The following TM9SF3 variants were observed in gnomAD, a reference collection of about 807,000 sequenced individuals.
TM9SF3 encodes transmembrane 9 superfamily member 3.
Under a neutral mutation model 78.6 loss-of-function variants are expected in TM9SF3, and 14 were observed. That is an observed-to-expected ratio of 0.18 (90% CI 0.12 to 0.28). TM9SF3 has a LOEUF of 0.28. Ranked by LOEUF, TM9SF3 falls within the 10% of genes least tolerant of loss-of-function variation. The pLI, the probability that TM9SF3 is intolerant of heterozygous loss-of-function variation, is 1.00. For synonymous variants in TM9SF3, 231 were observed against 241.7 expected (o/e 0.96, Z 0.41); for missense variants, 496 against 721.9 (o/e 0.69, Z 3.59).
rs751439116 is a variant in TM9SF3 at position 96,586,765 on chromosome 10, G to GGCAGCAGCA, written c.62_70dup (p.Leu21_Leu23dup). On this transcript the variant is annotated inframe_insertion, in exon 1 of 15. Coordinates refer to ENST00000371142, the MANE Select transcript of TM9SF3 (RefSeq NM_020123.4). ...TTCGTGCTCGTCCGCCCGGGTCCGG[G>GGCAGCAGCA]GCAGCAGCAGCAGCAGCAGCCACAG... is the stretch of plus-strand genomic sequence containing the variant. 28 of 1,286,670 alleles carry GGCAGCAGCA rather than the reference G, an allele frequency of 2.2e-5. No individual in the cohort carries two copies. Among genetic ancestry groups the GGCAGCAGCA allele is most frequent in the South Asian group, 7.5e-5 (3 of 39,874 alleles). The allele number at this position is 1,286,670 out of a possible 1,614,324, so 79.7% of individuals were successfully genotyped here.
intron 9 of TM9SF3, among the ~76,000 whole-genome samples, chr10:96,536,308 C>A (rs1847959039): frequency 6.6e-6 from 1 of 152,032 alleles, no homozygotes; most frequent in Non-Finnish European, 1.5e-5. Flanking sequence ...AGGTTTTAGC[C>A]AGTGCAATCA....
At chr10:96,530,457 GAT>G in intron 11 of TM9SF3, 81 bp downstream of exon 11, 1 of 1,131,192 alleles carries the variant, frequency 8.8e-7, no homozygotes, top group Non-Finnish European at 1.3e-6. Flanking sequence ...TCTCCCAACT[GAT>G]AACTTTACAT....
chr10:96,562,201 C>A, intron 3 of TM9SF3, 63 bp from the exon 4 acceptor site: 1 of 1,220,340 alleles, frequency 8.2e-7, no homozygotes, highest in Non-Finnish European at 1.1e-6. Context: ...ATCCTACAAG[C>A]TAAATGCTCA....
At chr10:96,532,713 G>C (rs1304765780) in intron 10 of TM9SF3, among the ~76,000 whole-genome samples, 2 of 152,094 alleles carry the variant, frequency 1.3e-5, no homozygotes, top group African/African-American at 2.4e-5. Flanking sequence ...GCATGGCTGA[G>C]TTCCAACAAA....
At chr10:96,572,113 A>C (rs1487963247) in intron 2 of TM9SF3, among the ~76,000 whole-genome samples, 1 of 152,192 alleles carries the variant, frequency 6.6e-6, no homozygotes, top group African/African-American at 2.4e-5. Context: ...CAATAAACTA[A>C]CATTTCATAA....
In TM9SF3 at chr10:96,586,950, G is replaced by T; in HGVS notation, c.-115C>A. ...TCGCATCCACGGGGCGCGGACAGAC[G>T]CACGGGGCCCGGCCCAGCCGCTGCC... On this transcript the variant is annotated 5_prime_UTR_variant, in exon 1 of 15. Coordinates refer to ENST00000371142, the MANE Select transcript of TM9SF3 (RefSeq NM_020123.4). The T allele has an allele frequency of 1.2e-6, 1 of 846,284 alleles. No homozygotes were observed. Among genetic ancestry groups the T allele is most frequent in the Non-Finnish European group, 1.5e-6 (1 of 667,050 alleles). 52.4% of individuals were successfully genotyped at this position (846,284 alleles called of 1,614,324 possible).
At chr10:96,552,785 T>C in intron 6 of TM9SF3, 143 bp downstream of exon 6, 1 of 733,756 alleles carries the variant, frequency 1.4e-6, no homozygotes, top group Non-Finnish European at 1.9e-6. Flanking sequence ...ACACTGGGCA[T>C]TTTACATCTT....
intron 1 of TM9SF3, among the ~76,000 whole-genome samples, chr10:96,581,607 C>G (rs1848570590): frequency 6.6e-6 from 1 of 152,104 alleles, no homozygotes; most frequent in South Asian, 2.1e-4. Flanking sequence ...GAAAATAGGA[C>G]AACGAATTAC....
chr10:96,547,042 A>G (rs1490954234), intron 8 of TM9SF3, among the ~76,000 whole-genome samples: 1 of 152,250 alleles, frequency 6.6e-6, no homozygotes, highest in Non-Finnish European at 1.5e-5. Flanking sequence ...TCCTTGTATT[A>G]TCGTGTTATT....
intron 8 of TM9SF3, among the ~76,000 whole-genome samples, chr10:96,544,613 T>C (rs1005814661): frequency 2.0e-5 from 3 of 152,182 alleles, no homozygotes; most frequent in Non-Finnish European, 2.9e-5. Context: ...ATGAAGTCAC[T>C]GGTGAAGAAA....
intron 9 of TM9SF3, among the ~76,000 whole-genome samples, chr10:96,535,077 T>A (rs756363867): frequency 3.7e-4 from 57 of 152,160 alleles, no homozygotes; most frequent in Non-Finnish European, 7.2e-4. Context: ...GCAGCTGAAG[T>A]GAGGGCACAT....
chr10:96,526,493 A>G (rs1847839655), intron 14 of TM9SF3, among the ~76,000 whole-genome samples: 1 of 152,114 alleles, frequency 6.6e-6, no homozygotes, highest in Non-Finnish European at 1.5e-5. Flanking sequence ...ACTGTTTCCA[A>G]AAGTTCTTTA....
chr10:96,526,096 A>T (rs1047016951), intron 14 of TM9SF3, among the ~76,000 whole-genome samples: 2 of 152,138 alleles, frequency 1.3e-5, no homozygotes, highest in Non-Finnish European at 2.9e-5. Flanking sequence ...TCCTCTTTAT[A>T]GCCCTATGAG....
Position 96,586,898 on chromosome 10 carries a change from G to T in TM9SF3, c.-63C>A, listed in dbSNP as rs1006646169. 2.7e-3 allele frequency: 2,988 copies of T among 1,093,934 alleles called. 6 individuals are homozygous for T. The highest frequency in any genetic ancestry group is 3.2e-3 in the Non-Finnish European group (2,854 of 884,532). 67.8% of individuals were successfully genotyped at this position (1,093,934 alleles called of 1,614,324 possible). ...TCCTCCTCCCGCCGCCGCCTCCTCC[G>T]CCGCCGCCGCCTCCGCCGCGGCCGA... On this transcript the variant is annotated 5_prime_UTR_variant, in exon 1 of 15. Coordinates refer to ENST00000371142, the MANE Select transcript of TM9SF3 (RefSeq NM_020123.4).
chr10:96,529,760 T>C (rs777336719), intron 11 of TM9SF3, among the ~76,000 whole-genome samples: 3 of 151,950 alleles, frequency 2.0e-5, no homozygotes, highest in Non-Finnish European at 4.4e-5. Flanking sequence ...AACTACCAAA[T>C]CCAATTACGT....
intron 10 of TM9SF3, among the ~76,000 whole-genome samples, chr10:96,532,253 A>G (rs1847906766): frequency 6.6e-6 from 1 of 151,650 alleles, no homozygotes; most frequent in Non-Finnish European, 1.5e-5. Context: ...ATAAAATAAT[A>G]AACTACAAAA....
Position 96,548,129 on chromosome 10 carries a change from A to G in TM9SF3, c.960-140T>C, listed in dbSNP as rs1456156150. On this transcript the variant is annotated intron_variant, in intron 7 of 14. Transcript: ENST00000371142. Reference sequence around the variant, plus strand: ...ATATCACAACCTGGACTACAAATAAAACTCAAAAGATTCTCTATAGTGAAT... The same window carrying G: ...ATATCACAACCTGGACTACAAATAAGACTCAAAAGATTCTCTATAGTGAAT... The G allele has an allele frequency of 5.5e-6, 3 of 549,728 alleles. No homozygotes were observed. The African/African-American group carries it at 5.8e-5, about 11-fold the overall frequency. The allele number at this position is 549,728 out of a possible 1,614,324, so 34.1% of individuals were successfully genotyped here.
Position 96,520,560 on chromosome 10 carries a change from ATAAAG to A in TM9SF3, c.*1698_*1702del, listed in dbSNP as rs1027618831. On this transcript the variant is annotated 3_prime_UTR_variant, in exon 15 of 15. Transcript: ENST00000371142. ...TTTGAGTCTTTCTAAAAATAACAAT[ATAAAG>A]TATTGTTTTAGGTGGTCATTTGCAT... 7.7e-5 allele frequency: 20 copies of A among 260,524 alleles called. No individual in the cohort carries two copies. Among genetic ancestry groups the A allele is most frequent in the African/African-American group, 3.3e-4 (15 of 45,260 alleles). 16.1% of individuals were successfully genotyped at this position (260,524 alleles called of 1,614,324 possible).
intron 4 of TM9SF3, chr10:96,560,828 C>CA (rs1339685676): frequency 3.7e-6 from 2 of 539,700 alleles, no homozygotes; most frequent in African/African-American, 3.8e-5. Flanking sequence ...AAAAATCCTT[C>CA]AAAAACAGGA....
Sources: gnomAD v4.1 joint callset for allele counts (sites outside exome capture counted in the v4.1 genomes callset) on GRCh38, gnomAD v4.1.1 for gene constraint, MANE v1.5 for transcripts, NCBI Gene and HGNC (gene_info 2026-07-23, HGNC 2026-07-21) for gene names.